The following FBLIM1 variants were observed in gnomAD, a reference collection of about 807,000 sequenced individuals.
FBLIM1 encodes filamin binding LIM protein 1, also known as filamin-binding LIM protein 1.
A neutral mutation model predicts 37.4 loss-of-function variants in FBLIM1; 29 were observed. The observed-to-expected ratio is 0.77, with a 90% CI of 0.58 to 1.06. The LOEUF (loss-of-function observed/expected upper bound fraction) is 1.06, where lower values mean the gene tolerates loss of function less well. Ranked by LOEUF, FBLIM1 falls within the 50% of genes least tolerant of loss-of-function variation. The pLI, the probability that FBLIM1 is intolerant of heterozygous loss-of-function variation, is 0.00. For missense variants in FBLIM1, 449 were observed against 505.6 expected (o/e 0.89, Z 1.07); for synonymous variants, 193 against 199.0 (o/e 0.97, Z 0.25).
rs376011206 is a variant in FBLIM1, at chr1:15,774,945, G to A, written c.890+149G>A. 99 of 1,523,568 alleles carry A rather than the reference G, an allele frequency of 6.5e-5. No individual in the cohort carries two copies. The highest frequency in any genetic ancestry group is 8.3e-5 in the African/African-American group (6 of 72,492). The allele number at this position is 1,523,568 out of a possible 1,614,324, so 94.4% of individuals were successfully genotyped here. On this transcript the variant is annotated intron_variant, in intron 7 of 8. Coordinates refer to ENST00000375766, the MANE Select transcript of FBLIM1 (RefSeq NM_017556.4). ...AGAATATTACAGGGCTGGGCTGGGC[G>A]CGGTGGCTCACGCCTGTAATCCCAG...
In FBLIM1 at chr1:15,786,538, GTTA is replaced by G. The variant is rs1399580054; in HGVS notation, c.*1878_*1880del. On this transcript the variant is annotated 3_prime_UTR_variant, in exon 9 of 9. Transcript: ENST00000375766. Reference sequence around the variant, plus strand: ...TCCATGCAGTCATGTTCACGTGCTAGTTACGTTTTTCTTCTTACACATGAAAAT... The same window carrying G: ...TCCATGCAGTCATGTTCACGTGCTAGCGTTTTTCTTCTTACACATGAAAAT... 4 of 152,258 alleles carry G rather than the reference GTTA, an allele frequency of 2.6e-5. No individual in the cohort carries two copies. Among genetic ancestry groups the G allele is most frequent in the Admixed American group, 1.3e-4 (2 of 15,278 alleles). 9.4% of individuals were successfully genotyped at this position (152,258 alleles called of 1,614,324 possible).
chr1:15,764,741 G>A, intron 2 of FBLIM1, 56 bp downstream of exon 2: 2 of 566,842 alleles, frequency 3.5e-6, no homozygotes, highest in South Asian at 2.4e-5. Flanking sequence ...GGGCAGTCAG[G>A]ACTTTTGGGT....
upstream of FBLIM1, among the ~76,000 whole-genome samples, chr1:15,757,009 G>A (rs749939970): frequency 5.8e-4 from 88 of 152,290 alleles, no homozygotes; most frequent in Non-Finnish European, 8.2e-4. This position sits in a 1 kb window ranked among gnomAD's most constrained non-coding sequence, Gnocchi z 4.1. Flanking sequence ...CCCCCAGATC[G>A]CACCTTCCTC....
intron 7 of FBLIM1, 148 bp downstream of exon 7, chr1:15,774,944 C>T (rs769590716): frequency 3.0e-5 from 45 of 1,522,006 alleles, no homozygotes; most frequent in Admixed American, 1.0e-4. Context: ...CTGGGCTGGG[C>T]GCGGTGGCTC....
chr1:15,757,697 G>A (rs928365920), upstream of FBLIM1, among the ~76,000 whole-genome samples: 2 of 150,392 alleles, frequency 1.3e-5, no homozygotes, highest in African/African-American at 4.9e-5. The surrounding 1 kb of genome is among the most constrained non-coding windows in gnomAD (Gnocchi z 4.1). Flanking sequence ...AGATGGCGCT[G>A]GGTCCAGCGC....
chr1:15,768,729 C>A, intron 5 of FBLIM1, 99 bp downstream of exon 5: 1 of 751,198 alleles, frequency 1.3e-6, no homozygotes, highest in African/African-American at 1.8e-5. Flanking sequence ...CTTCCCATCC[C>A]CACCCCAGCT....
At chr1:15,764,706 C>A (rs1326135074) in intron 2 of FBLIM1, 21 bp downstream of exon 2, 6 of 503,966 alleles carry the variant, frequency 1.2e-5, no homozygotes, top group Non-Finnish European at 2.1e-5. Flanking sequence ...CCCTTTGCTC[C>A]CCTAGGTGTG....
upstream of FBLIM1, chr1:15,758,166 A>G (rs1006539784): frequency 4.6e-5 from 7 of 152,288 alleles, no homozygotes; most frequent in African/African-American, 1.7e-4. The surrounding 1 kb of genome is among the most constrained non-coding windows in gnomAD (Gnocchi z 6.2). Flanking sequence ...GTCACCTTTT[A>G]TCCTCAGGCC....
upstream of FBLIM1, chr1:15,758,277 C>A (rs1478526576): frequency 6.6e-6 from 1 of 152,270 alleles, no homozygotes; most frequent in Admixed American, 6.5e-5. The surrounding 1 kb of genome is among the most constrained non-coding windows in gnomAD (Gnocchi z 6.2). Context: ...TAGTAAACGG[C>A]CGCAGAACCC....
rs948906525 is a variant in FBLIM1 at position 15,772,637 on chromosome 1, G to A, written c.712-1981G>A. ...TTGTCATTGCTCCTCATTCCAGAAG[G>A]AATTTGAGGCAGCTTCTATGAATGC... On this transcript the variant is annotated intron_variant, in intron 6 of 8. Coordinates refer to ENST00000375766, the MANE Select transcript of FBLIM1 (RefSeq NM_017556.4). 7.9e-5 allele frequency among the ~76,000 whole-genome samples: 12 copies of A among 152,224 alleles called. No homozygotes were observed. The East Asian group carries it at 2.1e-3, about 27-fold the overall frequency.
At chr1:15,757,726 T>C (rs1196547934), upstream of FBLIM1, among the ~76,000 whole-genome samples, 2 of 152,160 alleles carry the variant, frequency 1.3e-5, no homozygotes, top group Admixed American at 1.3e-4. The surrounding 1 kb of genome is among the most constrained non-coding windows in gnomAD (Gnocchi z 4.1). Flanking sequence ...CCTCAGCCAC[T>C]GTGGCTTTAA....
At chr1:15,777,036 A>G (rs2069514161) in intron 7 of FBLIM1, 134 bp from the exon 8 acceptor site, 1 of 675,460 alleles carries the variant, frequency 1.5e-6, no homozygotes, top group Non-Finnish European at 2.6e-6. Context: ...AGAAACAGAC[A>G]TCTCTGCAGT....
At position 15,770,505 on chromosome 1, in the gene FBLIM1, C is replaced by T; in HGVS notation, c.638C>T (p.Thr213Ile). ...CATGCCCAGTGCTTCACGTGCCGCACCTGCCGCCGCCAGCTGGCTGGGCAG... is the reference window on the plus strand; with the variant it reads ...CATGCCCAGTGCTTCACGTGCCGCATCTGCCGCCGCCAGCTGGCTGGGCAG... ...QYHAQCFTCR[T>I]CRRQLAGQSF... The change falls in exon 6 of 9, where the codon ACC becomes ATC. Residue 213 changes from threonine to isoleucine, a missense_variant. Physicochemically the swap from Thr to Ile is moderately conservative, Grantham distance 89. Coordinates refer to ENST00000375766, the MANE Select transcript of FBLIM1 (RefSeq NM_017556.4). 1 of 1,613,902 alleles carries T rather than the reference C, an allele frequency of 6.2e-7. No individual in the cohort carries two copies. Among genetic ancestry groups the T allele is most frequent in the Non-Finnish European group, 8.5e-7 (1 of 1,180,014 alleles).
At chr1:15,782,810 CTTT>C (rs36050598) in intron 8 of FBLIM1, among the ~76,000 whole-genome samples, 8 of 132,546 alleles carry the variant, frequency 6.0e-5, no homozygotes, top group Non-Finnish European at 6.3e-5. Flanking sequence ...TATAGGGACT[CTTT>C]TTTTTTTTTT....
intron 6 of FBLIM1, among the ~76,000 whole-genome samples, chr1:15,770,825 A>G (rs1256443674): frequency 6.6e-6 from 1 of 152,202 alleles, no homozygotes; most frequent in Non-Finnish European, 1.5e-5. Context: ...AGTTCGGGAG[A>G]TCAAAAGTCC....
At chr1:15,760,574 C>T (rs955291220) in intron 1 of FBLIM1, among the ~76,000 whole-genome samples, 27 of 150,012 alleles carry the variant, frequency 1.8e-4, no homozygotes, top group African/African-American at 6.3e-4. Context: ...AGAGGTGGCC[C>T]CAGAGGTTTT....
intron 1 of FBLIM1, among the ~76,000 whole-genome samples, chr1:15,762,518 C>A (rs990719182): frequency 6.6e-6 from 1 of 152,082 alleles, no homozygotes; most frequent in Non-Finnish European, 1.5e-5. Flanking sequence ...ACCTTGCCCT[C>A]CAAAAATGCT....
At chr1:15,766,984 G>A (rs1470750142) in intron 3 of FBLIM1, among the ~76,000 whole-genome samples, 3 of 151,416 alleles carry the variant, frequency 2.0e-5, no homozygotes, top group Non-Finnish European at 2.9e-5. Context: ...CAACCTCTTG[G>A]GCTTAAGTGA....
chr1:15,771,556 T>C (rs1257172170), intron 6 of FBLIM1, among the ~76,000 whole-genome samples: 1 of 151,948 alleles, frequency 6.6e-6, no homozygotes, highest in East Asian at 1.9e-4. Flanking sequence ...CCTTTTGCAG[T>C]TTATGAAGCT....
Sources: allele counts gnomAD v4.1 joint callset (sites outside exome capture counted in the v4.1 genomes callset), GRCh38; gene constraint gnomAD v4.1.1; non-coding constraint Gnocchi (gnomAD v3.1); transcripts MANE v1.5; gene names NCBI Gene and HGNC (gene_info 2026-07-23, HGNC 2026-07-21).